LRMDA: variants seen among roughly 807,000 people sequenced by gnomAD.
The protein encoded by LRMDA is leucine-rich melanocyte differentiation-associated protein.
In LRMDA, 18 loss-of-function variants were observed where a neutral mutation model predicts 29.8. That is an observed-to-expected ratio of 0.60 (90% CI 0.42 to 0.90). The LOEUF (loss-of-function observed/expected upper bound fraction) is 0.90, where lower values mean the gene tolerates loss of function less well. Ranked by LOEUF, LRMDA falls within the 40% of genes least tolerant of loss-of-function variation. The probability of loss-of-function intolerance (pLI) is 0.00; values close to 1 mark genes in which losing one functional copy is unlikely to be tolerated. For missense variants in LRMDA, 273 were observed against 273.9 expected, an observed-to-expected ratio of 1.00 and a Z score of 0.02; for synonymous variants, 125 against 109.4, an observed-to-expected ratio of 1.14 and a Z score of -0.89.
intron 6 of LRMDA, among the ~76,000 whole-genome samples, chr10:76,386,998 A>G (rs1413558735): frequency 6.6e-6 from 1 of 152,160 alleles, no homozygotes; most frequent in Admixed American, 6.5e-5. Flanking sequence ...ACTATTACTG[A>G]GGGCCTATAA....
At chr10:76,180,408 T>C (rs918109536) in intron 5 of LRMDA, among the ~76,000 whole-genome samples, 2 of 150,110 alleles carry the variant, frequency 1.3e-5, no homozygotes, top group Non-Finnish European at 1.5e-5. Flanking sequence ...GCCTCCCAAG[T>C]GGCTGGGATT....
At chr10:75,816,502 T>C (rs890613418) in intron 2 of LRMDA, among the ~76,000 whole-genome samples, 1 of 152,108 alleles carries the variant, frequency 6.6e-6, no homozygotes, top group African/African-American at 2.4e-5. Flanking sequence ...GTTTGTTGCT[T>C]CCAAAAGAAG....
At chr10:75,723,157 A>G (rs1329013799) in intron 2 of LRMDA, among the ~76,000 whole-genome samples, 1 of 152,240 alleles carries the variant, frequency 6.6e-6, no homozygotes, top group Admixed American at 6.5e-5. Flanking sequence ...CTGGGCATTA[A>G]TGAAGGTTAG....
chr10:75,966,230 G>A (rs1846856871), intron 2 of LRMDA, among the ~76,000 whole-genome samples: 1 of 152,162 alleles, frequency 6.6e-6, no homozygotes, highest in African/African-American at 2.4e-5. Flanking sequence ...AGATGTGGGT[G>A]GACGAGAGCC....
chr10:75,812,108 A>ATTTTTTTTT lies in LRMDA; in HGVS notation c.132-223878_132-223870dup, dbSNP rs67846089. 1.5e-4 allele frequency among the ~76,000 whole-genome samples: 7 copies of ATTTTTTTTT among 46,284 alleles called. 1 individual carries two copies. The highest frequency in any genetic ancestry group is 6.0e-4 in the African/African-American group (5 of 8,378). The allele number at this position is 46,284 out of a possible 152,430, so 30.4% of individuals were successfully genotyped here. On this transcript the variant is annotated intron_variant, in intron 2 of 6. Transcript: ENST00000611255. Reference sequence around the variant, plus strand: ...TAGTTTCTAAGGGGCTTTAATTGTGATTTTTTTTTTTTTTTTTTTTTTTTT... The same window carrying ATTTTTTTTT: ...TAGTTTCTAAGGGGCTTTAATTGTGATTTTTTTTTTTTTTTTTTTTTTTTTTTTTTTTTT...
At chr10:76,341,211 A>G (rs1841037471) in intron 6 of LRMDA, among the ~76,000 whole-genome samples, 1 of 152,182 alleles carries the variant, frequency 6.6e-6, no homozygotes, top group Admixed American at 6.5e-5. Context: ...GATGCCTGGT[A>G]CTGAAGGTTG....
chr10:75,670,942 T>C (rs1341600322), intron 2 of LRMDA, among the ~76,000 whole-genome samples: 1 of 152,104 alleles, frequency 6.6e-6, no homozygotes, highest in African/African-American at 2.4e-5. Flanking sequence ...GCACGATCTC[T>C]CTTCTTCCCT....
At chr10:75,863,295 G>T (rs1844963668) in intron 2 of LRMDA, among the ~76,000 whole-genome samples, 1 of 152,152 alleles carries the variant, frequency 6.6e-6, no homozygotes, top group Admixed American at 6.5e-5. Context: ...TTGTAATCAT[G>T]ATTTATTTAA....
At chr10:75,472,523 T>G (rs1844738618) in intron 2 of LRMDA, among the ~76,000 whole-genome samples, 1 of 152,222 alleles carries the variant, frequency 6.6e-6, no homozygotes, top group Admixed American at 6.5e-5. Context: ...TTTCTTTAAC[T>G]TCTTATCCAT....
chr10:76,110,239 C>A (rs1465891276), intron 5 of LRMDA, among the ~76,000 whole-genome samples: 7 of 152,222 alleles, frequency 4.6e-5, no homozygotes, highest in African/African-American at 1.7e-4. Context: ...GTTCCACATT[C>A]TACCTGCCAC....
At chr10:76,239,043 G>A (rs1360987574) in intron 5 of LRMDA, among the ~76,000 whole-genome samples, 2 of 152,118 alleles carry the variant, frequency 1.3e-5, no homozygotes, top group Non-Finnish European at 2.9e-5. Context: ...ACTCCCAGGG[G>A]GCCATGTTGG....
At chr10:75,578,214 G>GAAAAAAAAAA (rs1589191365) in intron 2 of LRMDA, among the ~76,000 whole-genome samples, 1 of 8,344 alleles carries the variant, frequency 1.2e-4, no homozygotes, top group Non-Finnish European at 2.7e-4. Flanking sequence ...CAAATGGAAA[G>GAAAAAAAAAA]CAAAAAAAAA....
Position 75,498,851 on chromosome 10 carries a change from G to T in LRMDA, c.131+60357G>T, listed in dbSNP as rs191223923. 2.5e-3 allele frequency among the ~76,000 whole-genome samples: 385 copies of T among 152,242 alleles called. 4 individuals carry two copies. The highest frequency in any genetic ancestry group is 8.6e-3 in the African/African-American group (358 of 41,516). ...GGTGAGTTGGCAAAGTATTAGCAGG[G>T]GTTTGGCCTTCCACGAATCCTCTCC... On this transcript the variant is annotated intron_variant, in intron 2 of 6. Transcript: ENST00000611255.
chr10:75,646,427 A>G (rs1162269088), intron 2 of LRMDA, among the ~76,000 whole-genome samples: 1 of 152,188 alleles, frequency 6.6e-6, no homozygotes, highest in Non-Finnish European at 1.5e-5. Flanking sequence ...CTTGCCTTCT[A>G]TAATATCACT....
At chr10:76,165,629 C>T (rs1321390798) in intron 5 of LRMDA, among the ~76,000 whole-genome samples, 1 of 152,178 alleles carries the variant, frequency 6.6e-6, no homozygotes, top group African/African-American at 2.4e-5. Context: ...ACTCAGGAAA[C>T]CTACCATCAT....
chr10:76,052,383 ATCTGAGCTTT>A (rs1425087977), intron 4 of LRMDA, among the ~76,000 whole-genome samples: 1 of 152,194 alleles, frequency 6.6e-6, no homozygotes, highest in Admixed American at 6.5e-5. Context: ...GTGGAGGCCC[ATCTGAGCTTT>A]TCTGTGGTTG....
At chr10:75,850,230 A>G (rs1390001580) in intron 2 of LRMDA, among the ~76,000 whole-genome samples, 3 of 152,246 alleles carry the variant, frequency 2.0e-5, no homozygotes, top group African/African-American at 7.2e-5. Flanking sequence ...AATTGGGAAT[A>G]AAAAGATTAA....
chr10:75,472,143 A>G (rs1844734976), intron 2 of LRMDA, among the ~76,000 whole-genome samples: 1 of 152,134 alleles, frequency 6.6e-6, no homozygotes, highest in Non-Finnish European at 1.5e-5. Flanking sequence ...ACTTCTGTCC[A>G]GCTTTTAAAT....
intron 2 of LRMDA, among the ~76,000 whole-genome samples, chr10:75,544,473 G>C (rs1167110921): frequency 1.3e-5 from 2 of 152,132 alleles, no homozygotes; most frequent in Non-Finnish European, 2.9e-5. Context: ...AAAACCTTCA[G>C]AATTCTGACT....
Sources: allele counts gnomAD v4.1 joint callset (sites outside exome capture counted in the v4.1 genomes callset), GRCh38; gene constraint gnomAD v4.1.1; transcripts MANE v1.5; gene names NCBI Gene and HGNC (gene_info 2026-07-23, HGNC 2026-07-21).